TTC7A: variants seen among roughly 807,000 people sequenced by gnomAD.
TTC7A encodes the protein tetratricopeptide repeat protein 7A.
In TTC7A, 110 loss-of-function variants were observed where a neutral mutation model predicts 103.7. The observed-to-expected ratio is 1.06, with a 90% CI of 0.91 to 1.24. The LOEUF (loss-of-function observed/expected upper bound fraction) is 1.24. Among genes scored for constraint, TTC7A ranks in the 50% most tolerant of loss-of-function variants. The probability of loss-of-function intolerance (pLI) is 0.00; values close to 1 mark genes in which losing one functional copy is unlikely to be tolerated. For missense variants in TTC7A, 1,340 were observed against 1,116.3 expected, an observed-to-expected ratio of 1.20 and a Z score of -2.86; for synonymous variants, 521 against 467.9, an observed-to-expected ratio of 1.11 and a Z score of -1.47.
intron 2 of TTC7A, among the ~76,000 whole-genome samples, chr2:46,928,938 G>A (rs1226976802): frequency 6.6e-5 from 10 of 152,080 alleles, no homozygotes. Context: ...TGAGGTGGGT[G>A]GATTACTTGA....
At chr2:47,029,485 G>A in intron 15 of TTC7A, 101 bp downstream of exon 15, 1 of 1,330,342 alleles carries the variant, frequency 7.5e-7, no homozygotes, top group Non-Finnish European at 1.1e-6. Context: ...CAACACACAT[G>A]AAGTAAGCAC....
rs965199557 is a variant in TTC7A at position 46,958,628 on chromosome 2, A to C, written c.517+1621A>C. 2.8e-6 allele frequency: 3 copies of C among 1,083,990 alleles called. No homozygotes were observed. The East Asian group carries it at 1.8e-4, about 64-fold the overall frequency. The allele number at this position is 1,083,990 out of a possible 1,614,324, so 67.1% of individuals were successfully genotyped here. A position where few individuals can be genotyped will look rare whatever the true frequency, so the allele number is the denominator to read the frequency against. On this transcript the variant is annotated intron_variant, in intron 3 of 19. Coordinates refer to ENST00000319190, the MANE Select transcript of TTC7A (RefSeq NM_020458.4). ...AGCTCCCGTTCCCCAGTGACTGCAC[A>C]TGGCCTCCCCTTTGCCTGCCTCCTC...
chr2:47,033,221 C>T (rs1054939007), intron 15 of TTC7A, among the ~76,000 whole-genome samples: 1 of 152,198 alleles, frequency 6.6e-6, no homozygotes, highest in African/African-American at 2.4e-5. Flanking sequence ...ATTAAACAAC[C>T]GGTCCGGTAA....
At position 46,947,392 on chromosome 2, in the gene TTC7A, T is replaced by A. The variant is rs566604532; in HGVS notation, c.185-2971T>A. ...CAGTCACTCTTATGGTTTAGAGATA[T>A]GTGGTGAAGGATCAATTTTGTTTTC... On this transcript the variant is annotated intron_variant, in intron 1 of 19. Coordinates refer to ENST00000319190, the MANE Select transcript of TTC7A (RefSeq NM_020458.4). Among the ~76,000 whole-genome samples, 10 of 152,274 alleles carry A rather than the reference T, an allele frequency of 6.6e-5. No individual in the cohort carries two copies. The South Asian group carries it at 2.1e-3, about 32-fold the overall frequency.
At chr2:46,977,668 A>G (rs918556254) in intron 4 of TTC7A, among the ~76,000 whole-genome samples, 3 of 152,188 alleles carry the variant, frequency 2.0e-5, no homozygotes, top group Non-Finnish European at 4.4e-5. Flanking sequence ...AATAGCTTGG[A>G]ATCCATACCT....
intron 3 of TTC7A, among the ~76,000 whole-genome samples, chr2:46,957,491 G>A (rs1245009360): frequency 5.3e-5 from 8 of 152,268 alleles, no homozygotes; most frequent in African/African-American, 1.2e-4. Flanking sequence ...GTTATTTGTC[G>A]GGCACCTGCT....
chr2:47,005,719 G>A (rs1677301472), intron 8 of TTC7A, among the ~76,000 whole-genome samples: 1 of 152,164 alleles, frequency 6.6e-6, no homozygotes, highest in Admixed American at 6.5e-5. Context: ...CCTAAACTGG[G>A]CTAAGGGTGA....
At chr2:46,995,290 G>A (rs961274562) in intron 8 of TTC7A, 91 bp downstream of exon 8, 2 of 1,265,048 alleles carry the variant, frequency 1.6e-6, no homozygotes, top group Non-Finnish European at 2.3e-6. Flanking sequence ...CCGTGACCTA[G>A]CCAAACTCTG....
intron 12 of TTC7A, 131 bp from the exon 13 acceptor site, chr2:47,023,277 T>G: frequency 1.1e-6 from 1 of 899,400 alleles, no homozygotes; most frequent in Non-Finnish European, 1.7e-6. Flanking sequence ...GCTGCTGGAG[T>G]TTGAAGTTTG....
intron 3 of TTC7A, chr2:46,958,525 C>T (rs1255798073): frequency 4.6e-6 from 6 of 1,304,142 alleles, no homozygotes; most frequent in Non-Finnish European, 6.1e-6. Flanking sequence ...GGAACACAGT[C>T]CCGGTGGTCA....
At chr2:46,916,074 A>T, upstream of TTC7A, 1 of 985,496 alleles carries the variant, frequency 1.0e-6, no homozygotes, top group Non-Finnish European at 1.2e-6. Context: ...GGAAGCCCTC[A>T]GGAACGTAGT....
intron 8 of TTC7A, among the ~76,000 whole-genome samples, 158 bp from the exon 9 acceptor site, chr2:47,005,764 A>G (rs904328312): frequency 6.6e-6 from 1 of 152,090 alleles, no homozygotes; most frequent in African/African-American, 2.4e-5. Flanking sequence ...CTTTGTGGAG[A>G]TAGGAAAAGG....
intron 19 of TTC7A, among the ~76,000 whole-genome samples, chr2:47,072,464 C>T (rs1489951386): frequency 6.6e-6 from 1 of 152,250 alleles, no homozygotes. Context: ...GTTCCAAGCT[C>T]TCCGAGGACT....
At chr2:47,054,993 C>G (rs1024856730) in intron 18 of TTC7A, among the ~76,000 whole-genome samples, 1 of 152,088 alleles carries the variant, frequency 6.6e-6, no homozygotes, top group African/African-American at 2.4e-5. Context: ...TTTGCACCCC[C>G]TGAGCCCTCT....
chr2:47,007,291 A>G lies in TTC7A; in HGVS notation c.1287+567A>G, dbSNP rs1215811150. Among the ~76,000 whole-genome samples the G allele has an allele frequency of 6.6e-6, 1 of 152,088 alleles. No homozygotes were observed. Among genetic ancestry groups the G allele is most frequent in the East Asian group, 1.9e-4 (1 of 5,164 alleles). ...CCCGGAGCAAGGAGCACCGGGCATG[A>G]GTTCACTCTCTATCCACCCAGCTCC... On this transcript the variant is annotated intron_variant, in intron 10 of 19. Transcript: ENST00000319190. The surrounding 1 kb of genome is among the most constrained non-coding windows in gnomAD (Gnocchi z 4.9).
chr2:46,949,974 T>C (rs1054786718), intron 1 of TTC7A, among the ~76,000 whole-genome samples: 2 of 152,214 alleles, frequency 1.3e-5, no homozygotes, highest in African/African-American at 4.8e-5. Context: ...AACCACTTCA[T>C]GTATTTTTTC....
chr2:47,036,469 T>TA (rs1042709891), intron 15 of TTC7A, among the ~76,000 whole-genome samples: 6 of 152,198 alleles, frequency 3.9e-5, no homozygotes, highest in Non-Finnish European at 8.8e-5. Flanking sequence ...GAAGAGCTGC[T>TA]AAAAAATGTC....
intron 19 of TTC7A, among the ~76,000 whole-genome samples, chr2:47,072,927 CTA>C (rs1413647384): frequency 2.0e-5 from 3 of 152,218 alleles, no homozygotes; most frequent in Admixed American, 6.5e-5. Context: ...CTTCTTATGA[CTA>C]TTCCTGTTAG....
At chr2:47,032,700 T>G (rs1294225471) in intron 15 of TTC7A, among the ~76,000 whole-genome samples, 1 of 151,680 alleles carries the variant, frequency 6.6e-6, no homozygotes, top group Non-Finnish European at 1.5e-5. Flanking sequence ...AGCAGTAGGT[T>G]CTTCATCTTG....
Sources: allele counts gnomAD v4.1 joint callset (sites outside exome capture counted in the v4.1 genomes callset), GRCh38; gene constraint gnomAD v4.1.1; non-coding constraint Gnocchi (gnomAD v3.1); transcripts MANE v1.5; gene names NCBI Gene and HGNC (gene_info 2026-07-23, HGNC 2026-07-21).